ETNK2: variants seen among roughly 807,000 people sequenced by gnomAD.
The protein encoded by ETNK2 is ethanolamine kinase 2, also known as ethanolamine kinase-like protein.
ETNK2 carries 33 observed loss-of-function variants against 46.2 expected under a neutral mutation model. That is an observed-to-expected ratio of 0.71 (90% confidence interval 0.54 to 0.96). The LOEUF (loss-of-function observed/expected upper bound fraction) is 0.96. Among genes scored for constraint, ETNK2 ranks in the 40% least tolerant of loss-of-function variants. ETNK2 has a pLI of 0.00. For missense variants in ETNK2, 445 were observed against 509.7 expected (o/e 0.87, Z 1.22); for synonymous variants, 194 against 209.0 (o/e 0.93, Z 0.62).
At position 204,151,521 on chromosome 1, in the gene ETNK2, C is replaced by A; in HGVS notation, c.258+74G>T. 6.5e-7 allele frequency: 1 copy of A among 1,533,870 alleles called. No homozygotes were observed. Among genetic ancestry groups the A allele is most frequent in the Non-Finnish European group, 8.8e-7 (1 of 1,139,226 alleles). ...CCTGGGACTGACACCCGGAAGGATG[C>A]GAGGACTGGGTCCCCGCATCCCCCT... On this transcript the variant is annotated intron_variant, in intron 1 of 7. Coordinates refer to ENST00000367202, the MANE Select transcript of ETNK2 (RefSeq NM_018208.4). This position sits in a 1 kb window ranked among gnomAD's most constrained non-coding sequence, Gnocchi z 8.0.
chr1:204,151,409 G>A lies in ETNK2; in HGVS notation c.258+186C>T. 1.2e-6 allele frequency: 1 copy of A among 850,752 alleles called. No homozygotes were observed. Among genetic ancestry groups the A allele is most frequent in the Middle Eastern group, 3.5e-4 (1 of 2,826 alleles). 52.7% of individuals were successfully genotyped at this position (850,752 alleles called of 1,614,324 possible). A position where few individuals can be genotyped will look rare whatever the true frequency, so the allele number is the denominator to read the frequency against. ...GGAGGGGGGCGTGTGCAGGGCCAAG[G>A]GAGGTGTGAGCCTAGTTTTGGTAGC... On this transcript the variant is annotated intron_variant, in intron 1 of 7. Coordinates refer to ENST00000367202, the MANE Select transcript of ETNK2 (RefSeq NM_018208.4). This position sits in a 1 kb window ranked among gnomAD's most constrained non-coding sequence, Gnocchi z 8.0.
chr1:204,131,967 A>ACCC lies in ETNK2; in HGVS notation c.*214_*216dup, dbSNP rs920650217. On this transcript the variant is annotated 3_prime_UTR_variant, in exon 8 of 8. Transcript: ENST00000367202. The surrounding 1 kb of genome is among the most constrained non-coding windows in gnomAD (Gnocchi z 4.3). The stretch of plus-strand genomic sequence containing the variant: ...TCCCAAGCCTGGTGGGGTGAAGGGG[A>ACCC]CCCCCGGAAGGGGGTCCTATCAGCC... 1.1e-5 allele frequency: 6 copies of ACCC among 569,406 alleles called. No individual in the cohort carries two copies. The highest frequency in any genetic ancestry group is 5.7e-5 in the African/African-American group (3 of 53,088). The allele number at this position is 569,406 out of a possible 1,614,324, so 35.3% of individuals were successfully genotyped here.
chr1:204,149,890 C>A lies in ETNK2; in HGVS notation c.331G>T (p.Val111Phe). 6.3e-7 allele frequency: 1 copy of A among 1,585,194 alleles called. No homozygotes were observed. Among genetic ancestry groups the A allele is most frequent in the African/African-American group, 1.3e-5 (1 of 74,254 alleles). Residue 111 changes from valine to phenylalanine, a missense_variant, in exon 2 of 8, where the codon GTC (valine) becomes TTC (phenylalanine). Coordinates refer to ENST00000367202, the MANE Select transcript of ETNK2 (RefSeq NM_018208.4). Reference sequence around the variant, plus strand: ...TCCGTCCGCTCCCCATACACCCGGACCAGCACGCAGTCCTGCATGTCCTCC... The same window carrying A: ...TCCGTCCGCTCCCCATACACCCGGAACAGCACGCAGTCCTGCATGTCCTCC... ...VEEDMQDCVL[V>F]RVYGERTELL...
chr1:204,138,024 C>A (rs1315647347), intron 5 of ETNK2, among the ~76,000 whole-genome samples: 1 of 152,186 alleles, frequency 6.6e-6, no homozygotes, highest in African/African-American at 2.4e-5. Flanking sequence ...AGGGTTCCCT[C>A]CTTCCTCTTC....
intron 2 of ETNK2, among the ~76,000 whole-genome samples, chr1:204,149,208 C>T (rs1298014789): frequency 1.3e-5 from 2 of 152,218 alleles, no homozygotes; most frequent in East Asian, 3.8e-4. Flanking sequence ...TGGGTTCCCA[C>T]TTCGTCAAGG....
intron 6 of ETNK2, among the ~76,000 whole-genome samples, chr1:204,136,592 A>T (rs1657293498): frequency 1.3e-5 from 2 of 151,272 alleles, no homozygotes; most frequent in Non-Finnish European, 2.9e-5. Flanking sequence ...CATGTCTGTA[A>T]TCCCAGCTAC....
intron 7 of ETNK2, 104 bp downstream of exon 7, chr1:204,134,411 G>A (rs1657201381): frequency 7.7e-7 from 1 of 1,302,590 alleles, no homozygotes; most frequent in Non-Finnish European, 1.1e-6. Context: ...GCAGAGCAGG[G>A]GAGCGGACTC....
At chr1:204,149,612 A>G (rs1657924696) in intron 2 of ETNK2, 91 bp downstream of exon 2, 2 of 1,444,936 alleles carry the variant, frequency 1.4e-6, no homozygotes, top group Non-Finnish European at 1.8e-6. Context: ...CACAGATCTT[A>G]CAACTCTCCA....
At chr1:204,150,742 A>C (rs966369955) in intron 1 of ETNK2, among the ~76,000 whole-genome samples, 2 of 152,164 alleles carry the variant, frequency 1.3e-5, no homozygotes, top group African/African-American at 4.8e-5. Context: ...GTCTTATACC[A>C]AACTGGGCCT....
intron 7 of ETNK2, 56 bp downstream of exon 7, chr1:204,134,458 TG>T: frequency 6.3e-7 from 1 of 1,586,660 alleles, no homozygotes; most frequent in Non-Finnish European, 8.6e-7. Flanking sequence ...GCCCACACCC[TG>T]GGCTCAACCA....
chr1:204,134,629 A>G (rs922293657), intron 6 of ETNK2, 41 bp from the exon 7 acceptor site: 6 of 1,613,992 alleles, frequency 3.7e-6, no homozygotes, highest in Admixed American at 3.3e-5. Context: ...CAATCTCCCC[A>G]TGCCTGTTTC....
chr1:204,135,893 G>C (rs1378057452), intron 6 of ETNK2, among the ~76,000 whole-genome samples: 1 of 152,070 alleles, frequency 6.6e-6, no homozygotes, highest in Non-Finnish European at 1.5e-5. Context: ...GCAATCCCTG[G>C]GCACACACCG....
rs185261645 is a variant in ETNK2, at chr1:204,137,628, A to G, written c.869-379T>C. ...TTAAAAGCACTGGATAAGCATTACT[A>G]GCCCTAGGTCTTATGCTAACCTTGT... is the stretch of plus-strand genomic sequence containing the variant. On this transcript the variant is annotated intron_variant, in intron 5 of 7. Transcript: ENST00000367202. Among the ~76,000 whole-genome samples, 200 of 152,322 alleles carry G rather than the reference A, an allele frequency of 1.3e-3. 1 individual carries two copies. The highest frequency in any genetic ancestry group is 2.5e-3 in the Non-Finnish European group (168 of 68,018).
Position 204,151,903 on chromosome 1 carries a change from G to T in ETNK2, c.-51C>A. 1.4e-6 allele frequency: 2 copies of T among 1,406,194 alleles called. No individual in the cohort carries two copies. The highest frequency in any genetic ancestry group is 1.5e-5 in the South Asian group (1 of 64,846). 87.1% of individuals were successfully genotyped at this position (1,406,194 alleles called of 1,614,324 possible). A position where few individuals can be genotyped will look rare whatever the true frequency, so the allele number is the denominator to read the frequency against. On this transcript the variant is annotated 5_prime_UTR_variant, in exon 1 of 8. Coordinates refer to ENST00000367202, the MANE Select transcript of ETNK2 (RefSeq NM_018208.4). The surrounding 1 kb of genome is among the most constrained non-coding windows in gnomAD (Gnocchi z 8.0). ...CCGCGGCAGACGCTAGCCCCGGCGGGGGGGTCCGGCGAGGGAGTGGGAGTG... is the reference window on the plus strand; with the variant it reads ...CCGCGGCAGACGCTAGCCCCGGCGGTGGGGTCCGGCGAGGGAGTGGGAGTG...
chr1:204,149,815 C>A lies in ETNK2; in HGVS notation c.406G>T (p.Ala136Ser). ...NEVRNFQLLR[A>S]HSCAPKLYCT... is the part of the protein sequence containing the mutation. ...TAGAGTTTGGGGGCACAGCTGTGTGCTCGCAGCAGCTGGAAGTTTCTGACC... is the reference window on the plus strand; with the variant it reads ...TAGAGTTTGGGGGCACAGCTGTGTGATCGCAGCAGCTGGAAGTTTCTGACC... The change falls in exon 2 of 8, where the codon GCA becomes TCA. Residue 136 changes from alanine (A) to serine (S), a missense_variant. Transcript: ENST00000367202. The A allele has an allele frequency of 1.2e-6, 2 of 1,606,776 alleles. No individual in the cohort carries two copies. Among genetic ancestry groups the A allele is most frequent in the Non-Finnish European group, 1.7e-6 (2 of 1,176,814 alleles).
chr1:204,146,857 C>G, intron 2 of ETNK2, 93 bp from the exon 3 acceptor site: 1 of 1,528,954 alleles, frequency 6.5e-7, no homozygotes, highest in Non-Finnish European at 9.0e-7. Context: ...CCTCCAGGCC[C>G]ACCAGGGCAC....
chr1:204,133,985 A>T (rs1265636432), intron 7 of ETNK2, among the ~76,000 whole-genome samples: 1 of 152,184 alleles, frequency 6.6e-6, no homozygotes, highest in Non-Finnish European at 1.5e-5. Context: ...GGTACATAGG[A>T]GCCTCACAGG....
chr1:204,142,000 C>G (rs139649185), intron 3 of ETNK2: 2 of 158,276 alleles, frequency 1.3e-5, no homozygotes, highest in Non-Finnish European at 2.8e-5. Flanking sequence ...CAATGGAGCT[C>G]TCTTGAGGAG....
At chr1:204,132,312 C>T (rs12745496) in intron 7 of ETNK2, 56 bp from the exon 8 acceptor site, 1 of 1,395,474 alleles carries the variant, frequency 7.2e-7, no homozygotes, top group Non-Finnish European at 1.0e-6. Context: ...GTGGGCCCTG[C>T]TGGGGGTGCT....
Sources: allele counts gnomAD v4.1 joint callset (sites outside exome capture counted in the v4.1 genomes callset), GRCh38; gene constraint gnomAD v4.1.1; non-coding constraint Gnocchi (gnomAD v3.1); transcripts MANE v1.5; gene names NCBI Gene and HGNC (gene_info 2026-07-23, HGNC 2026-07-21).